The following TAF6 variants were observed in gnomAD, a reference collection of about 807,000 sequenced individuals.
The protein encoded by TAF6 is TATA-box binding protein associated factor 6.
Under a neutral mutation model 73.5 loss-of-function variants are expected in TAF6, and 50 were observed. The ratio of observed to expected loss-of-function variants is 0.68; its 90% confidence interval spans 0.54 to 0.86. The LOEUF is 0.86. TAF6 is among the 40% of genes least tolerant of loss of function. The pLI, the probability that TAF6 is intolerant of heterozygous loss-of-function variation, is 0.00. For synonymous variants in TAF6, 424 were observed against 376.7 expected (o/e 1.13, Z -1.45); for missense variants, 768 against 899.5 (o/e 0.85, Z 1.87).
In TAF6 at chr7:100,108,710, T is replaced by C. The variant is rs997366605; in HGVS notation, c.1285-170A>G. ...CAAATTATGCTGAACTATTAGTGTG[T>C]GTACAGAACACTGTGGGCTTTCTCA... On this transcript the variant is annotated intron_variant, in intron 12 of 14. Transcript: ENST00000453269. The C allele has an allele frequency of 2.1e-5, 13 of 631,270 alleles. No homozygotes were observed. The African/African-American group carries it at 2.2e-4, about 11-fold the overall frequency. 39.1% of individuals were successfully genotyped at this position (631,270 alleles called of 1,614,324 possible).
At chr7:100,114,293 A>AAGAAAAAGAAACGTG (rs1335374281) in intron 1 of TAF6, 25 bp from the exon 2 acceptor site, 1 of 1,606,402 alleles carries the variant, frequency 6.2e-7, no homozygotes, top group East Asian at 2.2e-5. Context: ...GGGCAGGCAG[A>AAGAAAAAGAAACGTG]AGAAAAAGAA....
Position 100,108,549 on chromosome 7 carries a change from CAG to C in TAF6, c.1285-11_1285-10del. 6.3e-7 allele frequency: 1 copy of C among 1,583,388 alleles called. No homozygotes were observed. On this transcript the variant is annotated splice_polypyrimidine_tract_variant and intron_variant, in intron 12 of 14. Transcript: ENST00000453269. Reference sequence around the variant, plus strand: ...ACAGGAGCACAGTGTTTCTGCAGAACAGAAAAAAAGCCAGGTAGAGGGAGGGC... The same window carrying C: ...ACAGGAGCACAGTGTTTCTGCAGAACAAAAAAAGCCAGGTAGAGGGAGGGC...
In TAF6 at chr7:100,112,130, C is replaced by A; in HGVS notation, c.698G>T (p.Gly233Val). The A allele has an allele frequency of 6.2e-7, 1 of 1,613,844 alleles. No homozygotes were observed. Among genetic ancestry groups the A allele is most frequent in the Non-Finnish European group, 8.5e-7 (1 of 1,179,882 alleles). The change falls in exon 7 of 15, where the codon GGC (glycine) becomes GTC (valine). Residue 233 changes from glycine to valine, a missense_variant. By Grantham distance (109) the Gly-to-Val change is moderately radical (BLOSUM62 -3). Coordinates refer to ENST00000453269, the MANE Select transcript of TAF6 (RefSeq NM_139315.3). ...CACCGCCCTCTTGGCCTCGCAGGAG[C>A]CCACGCAGGCCTCGGTGATCTCCTT... Reference protein sequence around the residue: ...YYKEITEACVGSCEAKRAEAL... With the variant: ...YYKEITEACVVSCEAKRAEAL...
the TAF6 span, chr7:100,125,240 CCTT>C: frequency 4.3e-6 from 1 of 232,842 alleles, no homozygotes; most frequent in Non-Finnish European, 8.5e-6. Flanking sequence ...TCACTTAGCT[CCTT>C]AAGGTCTGTT....
rs1167199612 is a variant in TAF6 at position 100,110,966 on chromosome 7, C to G, written c.1083+173G>C. Among the ~76,000 whole-genome samples the G allele has an allele frequency of 3.5e-5, 5 of 141,106 alleles. No individual in the cohort carries two copies. In the East Asian group the frequency reaches 1.1e-3, roughly 30 times the overall value. The allele number at this position is 141,106 out of a possible 152,430, so 92.6% of individuals were successfully genotyped here. A position where few individuals can be genotyped will look rare whatever the true frequency, so the allele number is the denominator to read the frequency against. On this transcript the variant is annotated intron_variant, in intron 10 of 14. Transcript: ENST00000453269. Reference sequence around the variant, plus strand: ...CACTGCACTCCAGCCTGGGCAAGAGCGAGACTCCATCTCAAAAAAAAAAAA... The same window carrying G: ...CACTGCACTCCAGCCTGGGCAAGAGGGAGACTCCATCTCAAAAAAAAAAAA...
At chr7:100,107,696 C>A in intron 14 of TAF6, 73 bp from the exon 15 acceptor site, 1 of 1,563,612 alleles carries the variant, frequency 6.4e-7, no homozygotes, top group Admixed American at 2.0e-5. Flanking sequence ...GAGGACGCTT[C>A]ACTCGCTCCC....
chr7:100,122,399 G>T, upstream of TAF6: 1 of 1,614,040 alleles, frequency 6.2e-7, no homozygotes, highest in Non-Finnish European at 8.5e-7. Flanking sequence ...AGTCCTTCGT[G>T]CTCCTCCCCT....
At chr7:100,124,059 C>G (rs924119714), upstream of TAF6, among the ~76,000 whole-genome samples, 1 of 151,748 alleles carries the variant, frequency 6.6e-6, no homozygotes, top group Non-Finnish European at 1.5e-5. Context: ...ATCACTTGAA[C>G]CCGGGAGGCG....
chr7:100,120,037 C>T (rs1469635545), upstream of TAF6: 1 of 528,786 alleles, frequency 1.9e-6, no homozygotes, highest in African/African-American at 2.0e-5. Flanking sequence ...GTAGTGCCAC[C>T]TCAAACTGCA....
chr7:100,122,631 C>A, upstream of TAF6: 1 of 1,526,462 alleles, frequency 6.6e-7, no homozygotes, highest in Non-Finnish European at 8.9e-7. Context: ...AGATCTGTAT[C>A]CCCTGAGGCC....
At chr7:100,115,708 C>G (rs1259290933) in intron 1 of TAF6, 1 of 151,806 alleles carries the variant, frequency 6.6e-6, no homozygotes, top group African/African-American at 2.4e-5. Context: ...CGCGTTGGCT[C>G]ACACCTGTAA....
chr7:100,108,283 A>C (rs1796774992), intron 13 of TAF6, 84 bp downstream of exon 13: 5 of 1,502,228 alleles, frequency 3.3e-6, no homozygotes, highest in Non-Finnish European at 3.5e-6. Context: ...GACTGAGGGC[A>C]CATGTGGCTG....
upstream of TAF6, chr7:100,124,704 GT>G: frequency 6.2e-7 from 1 of 1,613,614 alleles, no homozygotes; most frequent in Non-Finnish European, 8.5e-7. Context: ...TATCTAAATT[GT>G]TTTCTGTCAT....
chr7:100,127,095 A>C, the TAF6 span: 1 of 400,596 alleles, frequency 2.5e-6, no homozygotes, highest in Non-Finnish European at 4.5e-6. The surrounding 1 kb of genome is among the most constrained non-coding windows in gnomAD (Gnocchi z 4.6). Flanking sequence ...GATGGAGGGA[A>C]ACATAAAGGA....
chr7:100,122,805 A>G, upstream of TAF6: 1 of 1,613,886 alleles, frequency 6.2e-7, no homozygotes, highest in Non-Finnish European at 8.5e-7. Flanking sequence ...GACCATGGCA[A>G]CACTGAAAGG....
intron 14 of TAF6, 49 bp from the exon 15 acceptor site, chr7:100,107,672 C>A (rs1796681037): frequency 6.3e-7 from 1 of 1,592,420 alleles, no homozygotes; most frequent in African/African-American, 1.4e-5. Context: ...CTCCCTGCCC[C>A]CCAGAGGCCT....
At chr7:100,110,527 T>G (rs1400838386) in intron 10 of TAF6, among the ~76,000 whole-genome samples, 1 of 151,648 alleles carries the variant, frequency 6.6e-6, no homozygotes, top group African/African-American at 2.4e-5. Flanking sequence ...ATTAGCCAGT[T>G]GTGGCCAGGT....
intron 1 of TAF6, among the ~76,000 whole-genome samples, chr7:100,117,845 A>G (rs1310866499): frequency 6.6e-6 from 1 of 151,052 alleles, no homozygotes; most frequent in African/African-American, 2.4e-5. Flanking sequence ...GATTGAGACC[A>G]TCCTGGCTAA....
Position 100,108,397 on chromosome 7 carries a change from C to T in TAF6, c.1428G>A (p.Gln476=). 6.2e-7 allele frequency: 1 copy of T among 1,612,022 alleles called. No homozygotes were observed. The highest frequency in any genetic ancestry group is 8.5e-7 in the Non-Finnish European group (1 of 1,178,482). Residue 476 remains glutamine, a synonymous_variant, in exon 13 of 15, where the codon CAG becomes CAA. Coordinates refer to ENST00000453269, the MANE Select transcript of TAF6 (RefSeq NM_139315.3). ...ARAQAALQAQ[Q]VNRTTLTITQ... is the part of the protein sequence containing the mutation. ...TGATGGTCAGAGTGGTCCTGTTGAC[C>T]TGCTGAGCCTGCAGAGCAGCCTGGG...
Sources: gnomAD v4.1 joint callset for allele counts (sites outside exome capture counted in the v4.1 genomes callset) on GRCh38, gnomAD v4.1.1 for gene constraint, Gnocchi (gnomAD v3.1) non-coding constraint, MANE v1.5 for transcripts, NCBI Gene and HGNC (gene_info 2026-07-23, HGNC 2026-07-21) for gene names.